NRXN3: variants seen among roughly 807,000 people sequenced by gnomAD.
NRXN3 encodes neurexin 3.
A neutral mutation model predicts 137.6 loss-of-function variants in NRXN3; 32 were observed. The ratio of observed to expected loss-of-function variants is 0.23; its 90% confidence interval spans 0.18 to 0.31. The LOEUF (loss-of-function observed/expected upper bound fraction) is 0.31. Ranked by LOEUF, NRXN3 falls within the 10% of genes least tolerant of loss-of-function variation. The pLI is 1.00. For synonymous variants in NRXN3, 798 were observed against 784.5 expected (o/e 1.02, Z -0.29); for missense variants, 1,574 against 2,062.5 (o/e 0.76, Z 4.59).
At chr14:79,453,191 G>A (rs2096204726) in intron 15 of NRXN3, among the ~76,000 whole-genome samples, 1 of 152,248 alleles carries the variant, frequency 6.6e-6, no homozygotes, top group East Asian at 1.9e-4. Flanking sequence ...ACTTTGGGAG[G>A]CAGAGGCAGG....
chr14:79,468,119 A>G (rs1286336754), intron 16 of NRXN3, among the ~76,000 whole-genome samples: 3 of 152,246 alleles, frequency 2.0e-5, no homozygotes, highest in African/African-American at 7.2e-5. Context: ...TGCATACTCA[A>G]CATTTTGCTT....
chr14:79,825,206 C>CT (rs11449914), intron 20 of NRXN3, among the ~76,000 whole-genome samples: 6,919 of 117,730 alleles, frequency 0.059, 412 homozygotes, highest in African/African-American at 0.13. Context: ...TCTTTGTGTG[C>CT]TTTTTTTTTT....
intron 4 of NRXN3, among the ~76,000 whole-genome samples, chr14:78,327,180 T>G (rs867109449): frequency 6.6e-6 from 1 of 152,156 alleles, no homozygotes; most frequent in African/African-American, 2.4e-5. Flanking sequence ...AAATGAGGCA[T>G]AATAGAACCA....
intron 16 of NRXN3, among the ~76,000 whole-genome samples, chr14:79,561,080 C>T (rs192850910): frequency 1.4e-4 from 21 of 152,314 alleles, no homozygotes; most frequent in African/African-American, 4.8e-4. Context: ...CTCCACACCA[C>T]TTCTGAATCG....
At chr14:78,533,579 C>A (rs558972497) in intron 4 of NRXN3, among the ~76,000 whole-genome samples, 4 of 152,188 alleles carry the variant, frequency 2.6e-5, no homozygotes, top group African/African-American at 9.7e-5. Context: ...TCCACAACAC[C>A]CACAGTTGCT....
In NRXN3 at chr14:79,324,015, T is replaced by C. The variant is rs557242365; in HGVS notation, c.3263-143206T>C. 2.0e-5 allele frequency among the ~76,000 whole-genome samples: 3 copies of C among 152,356 alleles called. No homozygotes were observed. In the South Asian group the frequency reaches 6.2e-4, roughly 32 times the overall value. ...GCTGGTCAATGCAGAAAATATTTGTTAAGCACGAAGAGTGTGGATGTGTTT... is the reference window on the plus strand; with the variant it reads ...GCTGGTCAATGCAGAAAATATTTGTCAAGCACGAAGAGTGTGGATGTGTTT... On this transcript the variant is annotated intron_variant, in intron 15 of 20. Transcript: ENST00000335750.
chr14:79,298,665 G>T (rs1417498899), intron 15 of NRXN3: 14 of 151,948 alleles, frequency 9.2e-5, no homozygotes, highest in Admixed American at 9.2e-4. Context: ...TAATCACTGG[G>T]GTTGTAACAA....
At chr14:78,744,118 A>T (rs530519038) in intron 8 of NRXN3, among the ~76,000 whole-genome samples, 7 of 152,310 alleles carry the variant, frequency 4.6e-5, no homozygotes, top group Admixed American at 4.6e-4. Context: ...GATGGCAAGT[A>T]CCAGGCTGAT....
intron 1 of NRXN3, among the ~76,000 whole-genome samples, chr14:78,213,901 A>G (rs2062995963): frequency 6.6e-6 from 1 of 152,204 alleles, no homozygotes; most frequent in Non-Finnish European, 1.5e-5. Flanking sequence ...CCAGAAACTC[A>G]GTGTCCAAGC....
chr14:78,412,747 T>C (rs1056145327), intron 4 of NRXN3, among the ~76,000 whole-genome samples: 2 of 152,160 alleles, frequency 1.3e-5, no homozygotes, highest in Admixed American at 6.5e-5. Context: ...CATGGTATGA[T>C]CAACTAACAT....
At chr14:78,307,426 G>C (rs576606554) in intron 4 of NRXN3, among the ~76,000 whole-genome samples, 2 of 152,034 alleles carry the variant, frequency 1.3e-5, no homozygotes, top group East Asian at 1.9e-4. Flanking sequence ...CAGTAGGCAG[G>C]CTCTAGATTG....
At chr14:79,629,020 A>T (rs7147112) in intron 16 of NRXN3, among the ~76,000 whole-genome samples, 25 of 152,198 alleles carry the variant, frequency 1.6e-4, no homozygotes, top group African/African-American at 5.8e-4. Flanking sequence ...CTTATTTTCA[A>T]TGGGCAGTGG....
chr14:79,692,334 A>T, intron 18 of NRXN3, 72 bp downstream of exon 18: 1 of 1,132,522 alleles, frequency 8.8e-7, no homozygotes, highest in Non-Finnish European at 1.3e-6. Context: ...CTGCAAATAA[A>T]TGTTCCTTAA....
chr14:78,364,238 A>G (rs144412518), intron 4 of NRXN3, among the ~76,000 whole-genome samples: 90 of 152,342 alleles, frequency 5.9e-4, no homozygotes, highest in African/African-American at 2.1e-3. Context: ...TAGCCCATGT[A>G]AAGAAGTAGA....
At chr14:78,559,833 C>T (rs2096770850) in intron 4 of NRXN3, among the ~76,000 whole-genome samples, 1 of 152,248 alleles carries the variant, frequency 6.6e-6, no homozygotes, top group Admixed American at 6.5e-5. Flanking sequence ...AGAGGAGGAG[C>T]AGGCTCTCAT....
chr14:78,923,596 CAG>C (rs1314372030), intron 10 of NRXN3, among the ~76,000 whole-genome samples: 1 of 152,176 alleles, frequency 6.6e-6, no homozygotes, highest in African/African-American at 2.4e-5. Context: ...TCCCACAAGA[CAG>C]AAGAGAATTG....
At chr14:78,611,204 A>G (rs963711924) in intron 4 of NRXN3, among the ~76,000 whole-genome samples, 9 of 152,214 alleles carry the variant, frequency 5.9e-5, no homozygotes, top group Admixed American at 3.3e-4. Flanking sequence ...AGAACAGATA[A>G]TGGGCAATAA....
At chr14:78,217,305 A>T (rs1189574510) in intron 1 of NRXN3, among the ~76,000 whole-genome samples, 1 of 152,238 alleles carries the variant, frequency 6.6e-6, no homozygotes, top group East Asian at 1.9e-4. Context: ...TTACAAATGT[A>T]GATTTAAAAA....
rs138521643 is a variant in NRXN3, at chr14:78,270,059, C to T, written c.710-8586C>T. Reference sequence around the variant, plus strand: ...GTCCTACCAGGCAAGTAGACTGTCCCCATTTTACAGATGGGGAGGTTAGGG... The same window carrying T: ...GTCCTACCAGGCAAGTAGACTGTCCTCATTTTACAGATGGGGAGGTTAGGG... On this transcript the variant is annotated intron_variant, in intron 2 of 20. Coordinates refer to ENST00000335750, the MANE Select transcript of NRXN3 (RefSeq NM_001330195.2). Among the ~76,000 whole-genome samples the T allele has an allele frequency of 1.1e-4, 16 of 152,244 alleles. No individual in the cohort carries two copies. The East Asian group carries it at 2.7e-3, about 26-fold the overall frequency.
Sources: allele counts gnomAD v4.1 joint callset (sites outside exome capture counted in the v4.1 genomes callset), GRCh38; gene constraint gnomAD v4.1.1; transcripts MANE v1.5; gene names NCBI Gene and HGNC (gene_info 2026-07-23, HGNC 2026-07-21).